Variants in CD27 observed in about 807,000 individuals in gnomAD.
CD27 encodes CD27 antigen.
In CD27, 16 loss-of-function variants were observed where a neutral mutation model predicts 25.9. That is an observed-to-expected ratio of 0.62 (90% CI 0.42 to 0.94). The LOEUF (loss-of-function observed/expected upper bound fraction) is 0.94. CD27 is among the 40% of genes least tolerant of loss of function. The probability of loss-of-function intolerance (pLI) is 0.00; values close to 1 mark genes in which losing one functional copy is unlikely to be tolerated. For synonymous variants in CD27, 142 were observed against 124.3 expected (o/e 1.14, Z -0.95); for missense variants, 300 against 333.2 (o/e 0.90, Z 0.78).
In CD27 at chr12:6,451,403, G is replaced by A; in HGVS notation, c.*11G>A. 6.2e-7 allele frequency: 1 copy of A among 1,611,490 alleles called. No homozygotes were observed. The highest frequency in any genetic ancestry group is 8.5e-7 in the Non-Finnish European group (1 of 1,179,274). ...GCCTGCTCCCCCTGAGCCAGCACCT[G>A]CGGGAGCTGCACTACAGCCCTGGCC... On this transcript the variant is annotated 3_prime_UTR_variant, in exon 6 of 6. Transcript: ENST00000266557.
At chr12:6,449,785 G>C (rs1350865140) in intron 2 of CD27, among the ~76,000 whole-genome samples, 3 of 152,146 alleles carry the variant, frequency 2.0e-5, no homozygotes, top group African/African-American at 7.2e-5. Context: ...GGGAGGCAGA[G>C]GTTGCAACGA....
Position 6,450,230 on chromosome 12 carries a change from G to C in CD27, c.326G>C (p.Gly109Ala), listed in dbSNP as rs746845729. 6.2e-7 allele frequency: 1 copy of C among 1,613,658 alleles called. No individual in the cohort carries two copies. The highest frequency in any genetic ancestry group is 8.5e-7 in the Non-Finnish European group (1 of 1,179,978). Residue 109 changes from glycine to alanine, a missense_variant, in exon 3 of 6, where the codon GGC becomes GCC. Coordinates refer to ENST00000266557, the MANE Select transcript of CD27 (RefSeq NM_001242.5). The surrounding 1 kb of genome is among the most constrained non-coding windows in gnomAD (Gnocchi z 4.1). ...TANAECACRNGWQCRDKECTE... is the reference protein window; with the variant it reads ...TANAECACRNAWQCRDKECTE... Reference sequence around the variant, plus strand: ...AATGCTGAGTGTGCCTGTCGCAATGGCTGGCAGTGCAGGGACAAGGAGTGC... The same window carrying C: ...AATGCTGAGTGTGCCTGTCGCAATGCCTGGCAGTGCAGGGACAAGGAGTGC...
intron 2 of CD27, among the ~76,000 whole-genome samples, chr12:6,449,298 T>C (rs1949473955): frequency 6.8e-6 from 1 of 147,682 alleles, no homozygotes; most frequent in Admixed American, 6.9e-5. Flanking sequence ...CACCTGGCTA[T>C]TTTCTTTCTT....
rs779243312 is a variant in CD27 at position 6,445,606 on chromosome 12, G to A, written c.268+51G>A. On this transcript the variant is annotated intron_variant, in intron 2 of 5. Transcript: ENST00000266557. The surrounding 1 kb of genome is among the most constrained non-coding windows in gnomAD (Gnocchi z 4.5). ...GGGGACGATGGACAAGCATCTGGGG[G>A]AGCAAGGCTGGTGACGGGTTTGGGG... is the stretch of plus-strand genomic sequence containing the variant. 8.1e-6 allele frequency: 13 copies of A among 1,595,864 alleles called. No individual in the cohort carries two copies. The South Asian group carries it at 1.2e-4, about 15-fold the overall frequency.
Position 6,450,215 on chromosome 12 carries a change from G to A in CD27, c.311G>A (p.Cys104Tyr). Residue 104 changes from cysteine to tyrosine, a missense_variant, in exon 3 of 6, where the codon TGT becomes TAT. Physicochemically the swap from Cys to Tyr is radical, Grantham distance 194. Coordinates refer to ENST00000266557, the MANE Select transcript of CD27 (RefSeq NM_001242.5). The surrounding 1 kb of genome is among the most constrained non-coding windows in gnomAD (Gnocchi z 4.1). ...RNCTITANAE[C>Y]ACRNGWQCRD... ...TGCACCATCACTGCCAATGCTGAGT[G>A]TGCCTGTCGCAATGGCTGGCAGTGC... 6.2e-7 allele frequency: 1 copy of A among 1,613,650 alleles called. No homozygotes were observed. The highest frequency in any genetic ancestry group is 8.5e-7 in the Non-Finnish European group (1 of 1,179,998).
intron 2 of CD27, chr12:6,446,950 G>A (rs780171652): frequency 6.6e-6 from 1 of 152,020 alleles, no homozygotes; most frequent in Non-Finnish European, 1.5e-5. Context: ...GCCAGGCGTG[G>A]TGGCACGAAC....
At position 6,445,622 on chromosome 12, in the gene CD27, G is replaced by T; in HGVS notation, c.268+67G>T. On this transcript the variant is annotated intron_variant, in intron 2 of 5. Transcript: ENST00000266557. This position sits in a 1 kb window ranked among gnomAD's most constrained non-coding sequence, Gnocchi z 4.5. Reference sequence around the variant, plus strand: ...CATCTGGGGGAGCAAGGCTGGTGACGGGTTTGGGGGTGCAAGGAGGATGAC... The same window carrying T: ...CATCTGGGGGAGCAAGGCTGGTGACTGGTTTGGGGGTGCAAGGAGGATGAC... 1 of 1,563,838 alleles carries T rather than the reference G, an allele frequency of 6.4e-7. No individual in the cohort carries two copies. Among genetic ancestry groups the T allele is most frequent in the Non-Finnish European group, 8.6e-7 (1 of 1,156,794 alleles).
intron 2 of CD27, among the ~76,000 whole-genome samples, chr12:6,449,793 C>T (rs1463283090): frequency 7.2e-5 from 11 of 151,952 alleles, no homozygotes; most frequent in African/African-American, 1.9e-4. Flanking sequence ...GAGGTTGCAA[C>T]GAGCCAAGGT....
At position 6,445,263 on chromosome 12, in the gene CD27, G is replaced by C. The variant is rs2534719; in HGVS notation, c.136+32G>C. On this transcript the variant is annotated intron_variant, in intron 1 of 5. Transcript: ENST00000266557. This position sits in a 1 kb window ranked among gnomAD's most constrained non-coding sequence, Gnocchi z 4.5. ...GGGGGCCTTGGTAAGGGCCAGGTGA[G>C]TGGCGAAAGAGAGAGGACTGGGGTT... 351,834 of 1,612,350 alleles carry C rather than the reference G, an allele frequency of 0.22. 40,618 individuals carry two copies. The highest frequency in any genetic ancestry group is 0.29 in the South Asian group (26,002 of 90,950).
chr12:6,444,846 G>A (rs1949389082), upstream of CD27: 1 of 433,810 alleles, frequency 2.3e-6, no homozygotes, highest in South Asian at 3.4e-5. Context: ...AGAGCAGCAG[G>A]TCTCACAGAG....
Position 6,450,119 on chromosome 12 carries a change from G to C in CD27, c.269-54G>C, listed in dbSNP as rs571118813. The C allele has an allele frequency of 1.3e-6, 2 of 1,526,682 alleles. No individual in the cohort carries two copies. Among genetic ancestry groups the C allele is most frequent in the Admixed American group, 3.5e-5 (2 of 57,600 alleles). The allele number at this position is 1,526,682 out of a possible 1,614,324, so 94.6% of individuals were successfully genotyped here. On this transcript the variant is annotated intron_variant, in intron 2 of 5. Transcript: ENST00000266557. This position sits in a 1 kb window ranked among gnomAD's most constrained non-coding sequence, Gnocchi z 4.1. ...TTGGGGGATGAAGCAAGTGGACCTT[G>C]AAGGTCTCCACAGGTCTGAGTGTCC...
Position 6,450,742 on chromosome 12 carries a change from G to T in CD27, c.538+112G>T. The T allele has an allele frequency of 7.1e-7, 1 of 1,413,668 alleles. No individual in the cohort carries two copies. Among genetic ancestry groups the T allele is most frequent in the East Asian group, 2.3e-5 (1 of 43,768 alleles). The allele number at this position is 1,413,668 out of a possible 1,614,324, so 87.6% of individuals were successfully genotyped here. On this transcript the variant is annotated intron_variant, in intron 4 of 5. Coordinates refer to ENST00000266557, the MANE Select transcript of CD27 (RefSeq NM_001242.5). The surrounding 1 kb of genome is among the most constrained non-coding windows in gnomAD (Gnocchi z 4.1). Reference sequence around the variant, plus strand: ...AGGGATAAGAGGAGGGGAAAAAGCAGAGTCCACTGTTTAGGAGAGGAGTTG... The same window carrying T: ...AGGGATAAGAGGAGGGGAAAAAGCATAGTCCACTGTTTAGGAGAGGAGTTG...
chr12:6,450,809 G>A lies in CD27; in HGVS notation c.539-86G>A, dbSNP rs1949525603. ...GGGATAGAATAAGGTGGGGGAAAGG[G>A]GAGAGGCAAGGTGACAGGAGGGCTG... is the stretch of plus-strand genomic sequence containing the variant. On this transcript the variant is annotated intron_variant, in intron 4 of 5. Transcript: ENST00000266557. The surrounding 1 kb of genome is among the most constrained non-coding windows in gnomAD (Gnocchi z 4.1). The A allele has an allele frequency of 2.5e-6, 4 of 1,572,952 alleles. No individual in the cohort carries two copies. Among genetic ancestry groups the A allele is most frequent in the Admixed American group, 1.7e-5 (1 of 59,372 alleles).
At chr12:6,444,587 T>A (rs2136959448), upstream of CD27, among the ~76,000 whole-genome samples, 1 of 141,612 alleles carries the variant, frequency 7.1e-6, no homozygotes, top group African/African-American at 2.6e-5. Context: ...TCAACTGTTG[T>A]CTGTGAAAGG....
chr12:6,444,855 A>G (rs552697375), upstream of CD27: 1,019 of 457,606 alleles, frequency 2.2e-3, 1 homozygote, highest in Non-Finnish European at 3.4e-3. Flanking sequence ...GGTCTCACAG[A>G]GTTTGCTCTT....
chr12:6,450,541 A>G lies in CD27; in HGVS notation c.449A>G (p.Glu150Gly). The change falls in exon 4 of 6, where the codon GAG becomes GGG. Residue 150 changes from glutamate (E) to glycine (G), a missense_variant and splice_region_variant. Glu to Gly is a moderately conservative substitution (Grantham distance 98). Coordinates refer to ENST00000266557, the MANE Select transcript of CD27 (RefSeq NM_001242.5). This position sits in a 1 kb window ranked among gnomAD's most constrained non-coding sequence, Gnocchi z 4.1. ...PQPTHLPYVS[E>G]MLEARTAGHM... Reference sequence around the variant, plus strand: ...ACTCATTCTGTCTCTGTTTTTCCAGAGATGCTGGAGGCCAGGACAGCTGGG... The same window carrying G: ...ACTCATTCTGTCTCTGTTTTTCCAGGGATGCTGGAGGCCAGGACAGCTGGG... 6.2e-7 allele frequency: 1 copy of G among 1,613,184 alleles called. No individual in the cohort carries two copies. Among genetic ancestry groups the G allele is most frequent in the Non-Finnish European group, 8.5e-7 (1 of 1,179,806 alleles).
chr12:6,447,886 T>G (rs2136964001), intron 2 of CD27: 1 of 152,294 alleles, frequency 6.6e-6, no homozygotes, highest in African/African-American at 2.4e-5. Flanking sequence ...ACATTGTTTT[T>G]AACCCTCCCC....
chr12:6,444,660 T>TGG (rs1276316674), upstream of CD27, among the ~76,000 whole-genome samples: 1 of 27,736 alleles, frequency 3.6e-5, no homozygotes, highest in African/African-American at 1.4e-4. Flanking sequence ...GACGGGGGGG[T>TGG]GGGTGGGGGG....
chr12:6,445,722 G>A lies in CD27; in HGVS notation c.268+167G>A, dbSNP rs1949405804. Among the ~76,000 whole-genome samples the A allele has an allele frequency of 2.0e-5, 3 of 152,124 alleles. No homozygotes were observed. Among genetic ancestry groups the A allele is most frequent in the Non-Finnish European group, 2.9e-5 (2 of 68,022 alleles). On this transcript the variant is annotated intron_variant, in intron 2 of 5. Transcript: ENST00000266557. The surrounding 1 kb of genome is among the most constrained non-coding windows in gnomAD (Gnocchi z 4.5). ...GCTGGGAAATGCGGCACCCTAGGTG[G>A]GGCATGAATTAACGTGGGCAGACAT...
Sources: allele counts gnomAD v4.1 joint callset (sites outside exome capture counted in the v4.1 genomes callset), GRCh38; gene constraint gnomAD v4.1.1; non-coding constraint Gnocchi (gnomAD v3.1); transcripts MANE v1.5; gene names NCBI Gene and HGNC (gene_info 2026-07-23, HGNC 2026-07-21).